The following DACH2 variants were observed in gnomAD, a reference collection of about 807,000 sequenced individuals.
The protein encoded by DACH2 is dachshund homolog 2.
In DACH2, 17 loss-of-function variants were observed where a neutral mutation model predicts 35.8. The observed-to-expected ratio is 0.48, with a 90% CI of 0.33 to 0.71. The LOEUF is 0.71. Among genes scored for constraint, DACH2 ranks in the 30% least tolerant of loss-of-function variants. DACH2 has a pLI of 0.02. For synonymous variants in DACH2, 195 were observed against 177.3 expected (o/e 1.10, Z -0.79); for missense variants, 469 against 472.7 (o/e 0.99, Z 0.07).
chrX:86,196,320 C>T (rs1489992016), intron 1 of DACH2, among the ~76,000 whole-genome samples: 3 of 110,923 alleles, frequency 2.7e-5, no homozygotes, highest in East Asian at 2.8e-4. Context: ...ATAGACCAAG[C>T]GCAGGAAAGA....
intron 1 of DACH2, among the ~76,000 whole-genome samples, chrX:86,327,586 AAGGT>A (rs1445525657): frequency 9.4e-6 from 1 of 106,539 alleles, no homozygotes; most frequent in Non-Finnish European, 1.9e-5. Flanking sequence ...TACAAGAAAA[AAGGT>A]AGGACGAAAA....
At chrX:86,643,598 C>A (rs181762493) in intron 3 of DACH2, among the ~76,000 whole-genome samples, 1 of 111,293 alleles carries the variant, frequency 9.0e-6, no homozygotes, top group Non-Finnish European at 1.9e-5. Context: ...GGACTCCTCC[C>A]CAACTTATTC....
chrX:86,496,111 A>G (rs969534882), intron 2 of DACH2, among the ~76,000 whole-genome samples: 1 of 111,503 alleles, frequency 9.0e-6, no homozygotes, highest in East Asian at 2.8e-4. Flanking sequence ...TTTAATATAT[A>G]GATAAATTTC....
intron 7 of DACH2, among the ~76,000 whole-genome samples, chrX:86,753,798 G>A (rs777793726): frequency 9.0e-6 from 1 of 110,643 alleles, no homozygotes; most frequent in Non-Finnish European, 1.9e-5. Flanking sequence ...ATAAGAGAGC[G>A]CTACTGACCT....
intron 3 of DACH2, among the ~76,000 whole-genome samples, chrX:86,582,162 G>GA (rs2039509588): frequency 9.0e-6 from 1 of 111,030 alleles, no homozygotes; most frequent in African/African-American, 3.3e-5. Flanking sequence ...AAACAAATGA[G>GA]AAAAAAATAA....
At chrX:86,630,295 C>A (rs889339789) in intron 3 of DACH2, among the ~76,000 whole-genome samples, 17 of 109,966 alleles carry the variant, frequency 1.5e-4, no homozygotes, top group Non-Finnish European at 2.7e-4. Flanking sequence ...TATTCAGTTT[C>A]TGTCTTGGTT....
intron 2 of DACH2, among the ~76,000 whole-genome samples, chrX:86,408,803 C>A (rs765814984): frequency 8.9e-6 from 1 of 111,852 alleles, no homozygotes; most frequent in Non-Finnish European, 1.9e-5. Flanking sequence ...GTGTCACAAA[C>A]TATGCTGTAA....
chrX:86,327,746 T>G (rs2035141601), intron 1 of DACH2, among the ~76,000 whole-genome samples: 1 of 111,941 alleles, frequency 8.9e-6, no homozygotes, highest in South Asian at 3.7e-4. Flanking sequence ...AAAATGAAAT[T>G]ACTTGTTTTT....
intron 1 of DACH2, among the ~76,000 whole-genome samples, chrX:86,294,816 C>G (rs1410505133): frequency 4.6e-5 from 5 of 108,567 alleles, no homozygotes; most frequent in Non-Finnish European, 9.6e-5. Flanking sequence ...AACCACTGCT[C>G]TCTTCAAAGC....
chrX:86,358,955 T>C (rs1327697170), intron 1 of DACH2, among the ~76,000 whole-genome samples: 1 of 111,197 alleles, frequency 9.0e-6, no homozygotes, highest in Non-Finnish European at 1.9e-5. Flanking sequence ...AGATCAGATT[T>C]GAAAATGAGG....
chrX:86,506,793 C>T (rs1218708699), intron 2 of DACH2, among the ~76,000 whole-genome samples: 2 of 111,691 alleles, frequency 1.8e-5, no homozygotes, highest in Non-Finnish European at 3.8e-5. Flanking sequence ...ATTTTAATCA[C>T]ATTGGCAGAA....
chrX:86,613,798 G>A (rs763870966), intron 3 of DACH2, among the ~76,000 whole-genome samples: 179 of 111,276 alleles, frequency 1.6e-3, no homozygotes, highest in African/African-American at 5.4e-3. Flanking sequence ...AGGATCTATG[G>A]CATAAGTCAG....
At chrX:86,275,358 T>A (rs1267763045) in intron 1 of DACH2, among the ~76,000 whole-genome samples, 1 of 111,940 alleles carries the variant, frequency 8.9e-6, no homozygotes, top group East Asian at 2.8e-4. Flanking sequence ...TGATACTAAT[T>A]TAGAATCATT....
chrX:86,545,843 A>G (rs1328330534), intron 3 of DACH2, among the ~76,000 whole-genome samples: 1 of 112,294 alleles, frequency 8.9e-6, no homozygotes, highest in Non-Finnish European at 1.9e-5. Context: ...AAAGCAAACC[A>G]TGAAAGGAAG....
At chrX:86,293,766 G>T (rs1306683529) in intron 1 of DACH2, among the ~76,000 whole-genome samples, 2 of 111,455 alleles carry the variant, frequency 1.8e-5, no homozygotes, top group Admixed American at 1.9e-4. Flanking sequence ...CTCTCTTCTG[G>T]CTTGTAGAGT....
At chrX:86,526,693 T>C (rs1412598060) in intron 3 of DACH2, among the ~76,000 whole-genome samples, 1 of 110,667 alleles carries the variant, frequency 9.0e-6, no homozygotes, top group Non-Finnish European at 1.9e-5. Context: ...TTTTAATGTA[T>C]ACCTGAAAGT....
At chrX:86,748,856 C>T (rs1338853488) in intron 7 of DACH2, among the ~76,000 whole-genome samples, 2 of 111,511 alleles carry the variant, frequency 1.8e-5, no homozygotes, top group Non-Finnish European at 3.8e-5. Context: ...TTTGTCTACA[C>T]TGAAACCTAT....
chrX:86,801,440 T>C (rs942350393), intron 7 of DACH2, among the ~76,000 whole-genome samples: 4 of 111,551 alleles, frequency 3.6e-5, no homozygotes, highest in Non-Finnish European at 7.5e-5. Flanking sequence ...CAGTACATAT[T>C]CTCAGTGATT....
chrX:86,732,209 A>C (rs2041540132), intron 6 of DACH2, among the ~76,000 whole-genome samples: 1 of 111,665 alleles, frequency 9.0e-6, no homozygotes, highest in South Asian at 3.7e-4. Context: ...AAAAATCAGC[A>C]AGTGTCTTGA....
Sources: gnomAD v4.1 joint callset for allele counts (sites outside exome capture counted in the v4.1 genomes callset) on GRCh38, gnomAD v4.1.1 for gene constraint, MANE v1.5 for transcripts, NCBI Gene and HGNC (gene_info 2026-07-23, HGNC 2026-07-21) for gene names.